The following TPTE2 variants were observed in gnomAD, a reference collection of about 807,000 sequenced individuals.
TPTE2 encodes the protein transmembrane phosphoinositide 3-phosphatase and tensin homolog 2.
TPTE2 carries 53 observed loss-of-function variants against 78.6 expected under a neutral mutation model. The ratio of observed to expected loss-of-function variants is 0.67; its 90% CI spans 0.54 to 0.85. The LOEUF (loss-of-function observed/expected upper bound fraction) is 0.85. Ranked by LOEUF, TPTE2 falls within the 40% of genes least tolerant of loss-of-function variation. The probability of loss-of-function intolerance (pLI) is 0.00; values close to 1 mark genes in which losing one functional copy is unlikely to be tolerated. For synonymous variants in TPTE2, 175 were observed against 206.2 expected, an observed-to-expected ratio of 0.85 and a Z score of 1.30; for missense variants, 461 against 623.0, an observed-to-expected ratio of 0.74 and a Z score of 2.77.
the TPTE2 span, chr13:19,560,848 G>A: frequency 6.4e-7 from 1 of 1,559,180 alleles, no homozygotes; most frequent in Non-Finnish European, 8.7e-7. Context: ...GCAGGCTCTT[G>A]GTGAAGCGGC....
chr13:19,441,733 T>A (rs973847676), intron 13 of TPTE2, among the ~76,000 whole-genome samples: 1 of 152,198 alleles, frequency 6.6e-6, no homozygotes, highest in Non-Finnish European at 1.5e-5. Context: ...GCATTTTCTT[T>A]AAAGCCTGGA....
chr13:19,512,875 C>G (rs1197988266), intron 1 of TPTE2, among the ~76,000 whole-genome samples: 1 of 152,110 alleles, frequency 6.6e-6, no homozygotes, highest in African/African-American at 2.4e-5. Context: ...CCATGCCCAG[C>G]CAGAAAACAC....
intron 1 of TPTE2, among the ~76,000 whole-genome samples, chr13:19,529,483 C>G (rs770844939): frequency 6.6e-6 from 1 of 152,190 alleles, no homozygotes; most frequent in African/African-American, 2.4e-5. Flanking sequence ...TTATTTAAAT[C>G]TCTTGATTTT....
At chr13:19,498,656 T>C (rs867959414) in intron 1 of TPTE2, among the ~76,000 whole-genome samples, 1 of 151,730 alleles carries the variant, frequency 6.6e-6, no homozygotes, top group Admixed American at 6.6e-5. Context: ...AAGCGCTAAA[T>C]ATGGAAAGGA....
At chr13:19,496,830 C>T (rs1408688733) in intron 1 of TPTE2, among the ~76,000 whole-genome samples, 2 of 152,222 alleles carry the variant, frequency 1.3e-5, no homozygotes, top group Non-Finnish European at 2.9e-5. Flanking sequence ...CTCCGGTCTA[C>T]AGCTCCCAGC....
exon 4 of TPTE2, chr13:19,482,522 C>G: frequency 6.2e-7 from 1 of 1,611,924 alleles, no homozygotes; most frequent in Non-Finnish European, 8.5e-7. Context: ...TCTTCAACTT[C>G]AAACTTGGAA....
At chr13:19,550,044 C>T in the TPTE2 span, among the ~76,000 whole-genome samples, 1 of 133,328 alleles carries the variant, frequency 7.5e-6, no homozygotes, top group African/African-American at 2.5e-5. Context: ...AAACTACCTA[C>T]AGGTATTATG....
chr13:19,513,751 G>A (rs894006136), intron 1 of TPTE2, among the ~76,000 whole-genome samples: 3 of 152,030 alleles, frequency 2.0e-5, no homozygotes, highest in African/African-American at 7.2e-5. Context: ...TAATGAATCA[G>A]GATTTAAATA....
chr13:19,559,789 G>A, the TPTE2 span, among the ~76,000 whole-genome samples: 2 of 108,812 alleles, frequency 1.8e-5, no homozygotes, highest in East Asian at 6.8e-4. Flanking sequence ...TGGCTTGCAA[G>A]GGGCAGCACT....
intron 6 of TPTE2, among the ~76,000 whole-genome samples, chr13:19,467,662 A>G (rs1879348778): frequency 6.6e-6 from 1 of 152,206 alleles, no homozygotes; most frequent in Admixed American, 6.6e-5. Flanking sequence ...CCCCTCAAGC[A>G]TTTATCATTC....
the TPTE2 span, chr13:19,561,325 G>A: frequency 2.8e-6 from 2 of 709,304 alleles, no homozygotes; most frequent in Non-Finnish European, 2.2e-6. Context: ...CACGGCGGGG[G>A]CCGCTCCACC....
intron 1 of TPTE2, among the ~76,000 whole-genome samples, chr13:19,518,920 G>C (rs1869974068): frequency 6.6e-6 from 1 of 152,184 alleles, no homozygotes; most frequent in Non-Finnish European, 1.5e-5. Flanking sequence ...CACAGAGCCA[G>C]TAATTGGTAG....
chr13:19,465,021 T>C (rs1418685158), intron 9 of TPTE2, among the ~76,000 whole-genome samples: 1 of 151,884 alleles, frequency 6.6e-6, no homozygotes, highest in Non-Finnish European at 1.5e-5. Flanking sequence ...TCAAATGGAG[T>C]CAGCTGAAAA....
chr13:19,430,530 T>C, exon 17 of TPTE2: 1 of 1,611,404 alleles, frequency 6.2e-7, no homozygotes, highest in Non-Finnish European at 8.5e-7. Context: ...ACTTGGACTT[T>C]TAGATCACAT....
chr13:19,500,343 A>AC (rs1227384711), intron 1 of TPTE2, among the ~76,000 whole-genome samples: 1 of 151,644 alleles, frequency 6.6e-6, no homozygotes, highest in Non-Finnish European at 1.5e-5. Flanking sequence ...CAGAGACACA[A>AC]CAAAAAAAGA....
chr13:19,554,384 A>ATAAATAAATAAATAAC, the TPTE2 span, among the ~76,000 whole-genome samples: 1 of 150,576 alleles, frequency 6.6e-6, no homozygotes, highest in East Asian at 1.9e-4. Flanking sequence ...CAAAAAATAA[A>ATAAATAAATAAATAAC]TAAATAAATA....
chr13:19,503,203 A>G, intron 1 of TPTE2, 21 bp downstream of exon 4: 1 of 1,613,584 alleles, frequency 6.2e-7, no homozygotes, highest in South Asian at 1.1e-5. Context: ...ATAAATAAAG[A>G]CACATGTATG....
chr13:19,487,296 C>A (rs1236523863), intron 3 of TPTE2, among the ~76,000 whole-genome samples: 3 of 152,064 alleles, frequency 2.0e-5, no homozygotes, highest in African/African-American at 7.2e-5. Flanking sequence ...AAGGCCCACT[C>A]GGTGGTGTGC....
chr13:19,448,057 G>C (rs1877948712), intron 13 of TPTE2, among the ~76,000 whole-genome samples: 1 of 152,056 alleles, frequency 6.6e-6, no homozygotes, highest in African/African-American at 2.4e-5. Context: ...GTTCAACAAA[G>C]GTGCCAAGAA....
Sources: gnomAD v4.1 joint callset for allele counts (sites outside exome capture counted in the v4.1 genomes callset) on GRCh38, gnomAD v4.1.1 for gene constraint, MANE v1.5 for transcripts, NCBI Gene and HGNC (gene_info 2026-07-23, HGNC 2026-07-21) for gene names.